CNTNAP2: variants seen among roughly 807,000 people sequenced by gnomAD.
CNTNAP2 encodes the protein contactin-associated protein-like 2.
CNTNAP2 carries 98 observed loss-of-function variants against 155.2 expected under a neutral mutation model. The observed-to-expected ratio is 0.63, with a 90% confidence interval of 0.54 to 0.75. The LOEUF (loss-of-function observed/expected upper bound fraction) is 0.75, where lower values mean the gene tolerates loss of function less well. Among genes scored for constraint, CNTNAP2 ranks in the 30% least tolerant of loss-of-function variants. The pLI is 0.00. For missense variants in CNTNAP2, 1,727 were observed against 1,688.1 expected, an observed-to-expected ratio of 1.02 and a Z score of -0.40; for synonymous variants, 651 against 631.2, an observed-to-expected ratio of 1.03 and a Z score of -0.47.
chr7:146,688,779 T>A (rs991025535), intron 1 of CNTNAP2, among the ~76,000 whole-genome samples: 20 of 152,156 alleles, frequency 1.3e-4, no homozygotes, highest in African/African-American at 4.8e-4. Flanking sequence ...AATTGGAGAA[T>A]GTTGCCATGA....
intron 3 of CNTNAP2, among the ~76,000 whole-genome samples, chr7:146,933,128 A>C (rs1585166143): frequency 6.6e-6 from 1 of 152,058 alleles, no homozygotes; most frequent in Non-Finnish European, 1.5e-5. Flanking sequence ...CCGCATCGCC[A>C]AGTCAATCCT....
intron 8 of CNTNAP2, among the ~76,000 whole-genome samples, chr7:147,180,175 T>C (rs1802425727): frequency 6.6e-6 from 1 of 152,192 alleles, no homozygotes; most frequent in Non-Finnish European, 1.5e-5. Flanking sequence ...GTTCATTTCC[T>C]TGAAGAAATC....
chr7:147,374,977 G>T (rs2116921087), intron 9 of CNTNAP2, among the ~76,000 whole-genome samples: 1 of 152,040 alleles, frequency 6.6e-6, no homozygotes, highest in Admixed American at 6.6e-5. Context: ...AAAGGTGATT[G>T]GATCATGGGG....
At chr7:147,871,670 T>TC (rs1387084103) in intron 13 of CNTNAP2, among the ~76,000 whole-genome samples, 2 of 151,822 alleles carry the variant, frequency 1.3e-5, no homozygotes, top group Non-Finnish European at 2.9e-5. Context: ...TCTTTTTTTT[T>TC]TTTTTGCCCC....
intron 15 of CNTNAP2, among the ~76,000 whole-genome samples, chr7:148,098,469 A>AG (rs1804020552): frequency 6.8e-6 from 1 of 147,378 alleles, no homozygotes. Flanking sequence ...AAAAAAAAAA[A>AG]GCATGCTTGT....
rs1243078190 is a variant in CNTNAP2 at position 148,061,964 on chromosome 7, T to TAAAC, written c.2384-56153_2384-56152insAACA. ...AGATAGATAAACAGATATAGATAGA[T>TAAAC]AGATAGATAGATAGATAGATAGATA... On this transcript the variant is annotated intron_variant, in intron 15 of 23. Transcript: ENST00000361727. Among the ~76,000 whole-genome samples the TAAAC allele has an allele frequency of 2.9e-3, 324 of 110,332 alleles. 5 individuals carry two copies. The highest frequency in any genetic ancestry group is 4.3e-3 in the Non-Finnish European group (243 of 56,666). The allele number at this position is 110,332 out of a possible 152,430, so 72.4% of individuals were successfully genotyped here.
At chr7:146,862,819 C>A (rs1374328276) in intron 3 of CNTNAP2, among the ~76,000 whole-genome samples, 1 of 152,154 alleles carries the variant, frequency 6.6e-6, no homozygotes, top group Non-Finnish European at 1.5e-5. Context: ...CTGTATGGTT[C>A]TTTATGGTAC....
At chr7:147,386,974 C>T (rs1441439051) in intron 9 of CNTNAP2, among the ~76,000 whole-genome samples, 1 of 152,134 alleles carries the variant, frequency 6.6e-6, no homozygotes, top group Non-Finnish European at 1.5e-5. Flanking sequence ...CAAGTCACAT[C>T]TTATGTGGAT....
At chr7:147,339,772 A>G (rs1043806213) in intron 9 of CNTNAP2, among the ~76,000 whole-genome samples, 1 of 152,218 alleles carries the variant, frequency 6.6e-6, no homozygotes, top group African/African-American at 2.4e-5. Context: ...ATCAAACAGT[A>G]GGTCCAATGA....
chr7:146,595,890 T>C (rs114242180), intron 1 of CNTNAP2, among the ~76,000 whole-genome samples: 2,933 of 152,200 alleles, frequency 0.019, 115 homozygotes, highest in African/African-American at 0.066. Context: ...TGTTGAGTTA[T>C]AGTCACACTT....
intron 13 of CNTNAP2, among the ~76,000 whole-genome samples, chr7:147,760,949 G>A (rs1011046762): frequency 9.2e-5 from 14 of 152,162 alleles, no homozygotes; most frequent in African/African-American, 3.4e-4. Flanking sequence ...GCTTTTTATA[G>A]CAGTTATATT....
intron 1 of CNTNAP2, among the ~76,000 whole-genome samples, chr7:146,598,825 T>C (rs1453791893): frequency 1.3e-5 from 2 of 152,104 alleles, no homozygotes; most frequent in African/African-American, 4.8e-5. Flanking sequence ...ATACCTTTAC[T>C]CAGAACTGTT....
At position 146,116,885 on chromosome 7, in the gene CNTNAP2, G is replaced by C. The variant is rs1237807319; in HGVS notation, c.9G>C (p.Ala3=). MQ[A]APRAGCGAAL... is the part of the protein sequence containing the mutation. Reference sequence around the variant, plus strand: ...CGGCCGGGAGGCGAAGGATGCAGGCGGCTCCGCGCGCCGGCTGCGGGGCAG... The same window carrying C: ...CGGCCGGGAGGCGAAGGATGCAGGCCGCTCCGCGCGCCGGCTGCGGGGCAG... The change falls in exon 1 of 24, where the codon GCG becomes GCC. Residue 3 remains alanine (A), a synonymous_variant. Transcript: ENST00000361727. This position sits in a 1 kb window ranked among gnomAD's most constrained non-coding sequence, Gnocchi z 5.5. 6.5e-7 allele frequency: 1 copy of C among 1,545,782 alleles called. No individual in the cohort carries two copies. Among genetic ancestry groups the C allele is most frequent in the Admixed American group, 2.0e-5 (1 of 51,206 alleles).
At chr7:148,269,211 AC>A (rs1796730157) in intron 21 of CNTNAP2, among the ~76,000 whole-genome samples, 1 of 152,154 alleles carries the variant, frequency 6.6e-6, no homozygotes, top group Non-Finnish European at 1.5e-5. Flanking sequence ...GAACTGGAAA[AC>A]AAAAGAGGGC....
At chr7:146,775,734 TAGAA>T (rs936123384) in intron 2 of CNTNAP2, among the ~76,000 whole-genome samples, 2 of 151,696 alleles carry the variant, frequency 1.3e-5, no homozygotes, top group African/African-American at 4.8e-5. Flanking sequence ...ATATCAGATT[TAGAA>T]AGACCAAAAA....
chr7:146,510,145 A>G (rs1470019493), intron 1 of CNTNAP2, among the ~76,000 whole-genome samples: 3 of 152,170 alleles, frequency 2.0e-5, no homozygotes, highest in Admixed American at 2.0e-4. Flanking sequence ...GGCAGTTGGG[A>G]CATGGCTTTA....
chr7:148,307,632 A>G (rs1234395505), intron 21 of CNTNAP2, among the ~76,000 whole-genome samples: 1 of 152,206 alleles, frequency 6.6e-6, no homozygotes, highest in Non-Finnish European at 1.5e-5. Flanking sequence ...ACCATCTTTA[A>G]TGGGAATCCT....
chr7:148,218,779 G>T (rs1795690853), intron 19 of CNTNAP2, among the ~76,000 whole-genome samples: 1 of 151,902 alleles, frequency 6.6e-6, no homozygotes, highest in African/African-American at 2.4e-5. Context: ...ACCTAAAATT[G>T]GCATCCTGAG....
intron 1 of CNTNAP2, among the ~76,000 whole-genome samples, chr7:146,147,515 G>A (rs1043525880): frequency 6.6e-6 from 1 of 152,092 alleles, no homozygotes; most frequent in Non-Finnish European, 1.5e-5. Context: ...TAATGCAGAT[G>A]ATTAAAGTAG....
Sources: gnomAD v4.1 joint callset for allele counts (sites outside exome capture counted in the v4.1 genomes callset) on GRCh38, gnomAD v4.1.1 for gene constraint, Gnocchi (gnomAD v3.1) non-coding constraint, MANE v1.5 for transcripts, NCBI Gene and HGNC (gene_info 2026-07-23, HGNC 2026-07-21) for gene names.